The following COL25A1 variants were observed in gnomAD, a reference collection of about 807,000 sequenced individuals.
COL25A1 encodes the protein collagen alpha-1(XXV) chain.
In COL25A1, 103 loss-of-function variants were observed where a neutral mutation model predicts 128.4. That is an observed-to-expected ratio of 0.80 (90% confidence interval 0.68 to 0.94). The LOEUF (loss-of-function observed/expected upper bound fraction) is 0.94, where lower values mean the gene tolerates loss of function less well. COL25A1 is among the 40% of genes least tolerant of loss of function. The pLI is 0.00. For synonymous variants in COL25A1, 279 were observed against 277.2 expected, an observed-to-expected ratio of 1.01 and a Z score of -0.06; for missense variants, 745 against 840.0, an observed-to-expected ratio of 0.89 and a Z score of 1.40.
intron 27 of COL25A1, among the ~76,000 whole-genome samples, chr4:108,848,418 G>A (rs1318895768): frequency 6.6e-6 from 1 of 152,098 alleles, no homozygotes; most frequent in Admixed American, 6.6e-5. Flanking sequence ...GGAAACTATG[G>A]TCACTGATTT....
chr4:109,050,968 T>A (rs924355372), intron 3 of COL25A1, among the ~76,000 whole-genome samples: 10 of 152,146 alleles, frequency 6.6e-5, no homozygotes, highest in Non-Finnish European at 1.0e-4. Context: ...ATTCATGGCT[T>A]TCAAGCCATT....
intron 8 of COL25A1, among the ~76,000 whole-genome samples, chr4:108,968,408 GC>G (rs1751556674): frequency 6.6e-6 from 1 of 151,636 alleles, no homozygotes; most frequent in South Asian, 2.1e-4. Context: ...CTCCAAAACA[GC>G]AAATCCAAAG....
At chr4:108,912,859 T>C (rs1395360487) in intron 13 of COL25A1, among the ~76,000 whole-genome samples, 3 of 152,170 alleles carry the variant, frequency 2.0e-5, no homozygotes, top group Non-Finnish European at 4.4e-5. Context: ...AGAACTGTGT[T>C]ATCCATGTAT....
At chr4:108,888,540 A>C (rs1224799904) in intron 18 of COL25A1, among the ~76,000 whole-genome samples, 3 of 152,192 alleles carry the variant, frequency 2.0e-5, no homozygotes, top group Non-Finnish European at 4.4e-5. Context: ...CCTGTTTCAG[A>C]CTCAAATGAG....
At chr4:109,285,615 C>T (rs1723804386) in intron 3 of COL25A1, among the ~76,000 whole-genome samples, 1 of 152,202 alleles carries the variant, frequency 6.6e-6, no homozygotes, top group South Asian at 2.1e-4. Flanking sequence ...AAGCTGAATG[C>T]TGACTCGAGA....
At chr4:108,986,130 C>G (rs1196666226) in intron 6 of COL25A1, among the ~76,000 whole-genome samples, 1 of 152,144 alleles carries the variant, frequency 6.6e-6, no homozygotes, top group Non-Finnish European at 1.5e-5. Flanking sequence ...TTTGTTGCAC[C>G]CTTATTCCTG....
chr4:109,228,548 C>T (rs189329862), intron 3 of COL25A1, among the ~76,000 whole-genome samples: 43 of 152,142 alleles, frequency 2.8e-4, no homozygotes, highest in East Asian at 1.5e-3. Flanking sequence ...TTAGATGTTA[C>T]GGATTTTAAA....
chr4:109,039,603 G>A (rs1759679650), intron 5 of COL25A1, among the ~76,000 whole-genome samples: 1 of 152,142 alleles, frequency 6.6e-6, no homozygotes, highest in African/African-American at 2.4e-5. Flanking sequence ...GGTATATCCT[G>A]AGCATACTTC....
Position 108,899,179 on chromosome 4 carries a change from C to A in COL25A1, c.836G>T (p.Gly279Val). Residue 279 changes from glycine to valine, a missense_variant and splice_region_variant, in exon 15 of 38, where the codon GGA becomes GTA. Gly to Val is a moderately radical substitution (Grantham distance 109, BLOSUM62 -3). Around this residue, in one of 3 missense-constraint regions of COL25A1, gnomAD observed 39 missense variants for 73.3 expected, o/e 0.53. Transcript: ENST00000399132. ...VGQNGIPGPKGEPGEQGEKGD... is the reference protein window; with the variant it reads ...VGQNGIPGPKVEPGEQGEKGD... ...CTTTTCACCTTGTTCTCCAGGTTCT[C>A]CCTGAGCAAAAAGACAGAGATTGGG... The A allele has an allele frequency of 6.2e-7, 1 of 1,608,744 alleles. No individual in the cohort carries two copies. Among genetic ancestry groups the A allele is most frequent in the Non-Finnish European group, 8.5e-7 (1 of 1,177,514 alleles).
At chr4:109,215,522 A>G (rs752109688) in intron 3 of COL25A1, among the ~76,000 whole-genome samples, 4 of 152,210 alleles carry the variant, frequency 2.6e-5, no homozygotes, top group Non-Finnish European at 4.4e-5. Flanking sequence ...TTTAGTCAGT[A>G]AGATATAAGT....
chr4:108,834,413 G>C (rs1294673420), intron 31 of COL25A1: 1 of 1,550,138 alleles, frequency 6.5e-7, no homozygotes. Context: ...GTTGGTAGCA[G>C]GGTTGGTGGG....
intron 5 of COL25A1, among the ~76,000 whole-genome samples, chr4:109,040,181 T>G (rs962979562): frequency 2.6e-5 from 4 of 152,194 alleles, no homozygotes; most frequent in African/African-American, 9.6e-5. Context: ...AAACAAAAAC[T>G]TATTTAATGA....
At chr4:109,248,604 C>T (rs1455949156) in intron 3 of COL25A1, among the ~76,000 whole-genome samples, 4 of 152,158 alleles carry the variant, frequency 2.6e-5, no homozygotes, top group African/African-American at 9.7e-5. Context: ...CCATCTATCT[C>T]CACCCATGCC....
chr4:109,218,356 G>GGTTTTTTTTTTTTTT lies in COL25A1; in HGVS notation c.367+82212_367+82226dup, dbSNP rs1578470802. Among the ~76,000 whole-genome samples the GGTTTTTTTTTTTTTT allele has an allele frequency of 2.7e-3, 267 of 100,400 alleles. 1 individual carries two copies. Among genetic ancestry groups the GGTTTTTTTTTTTTTT allele is most frequent in the East Asian group, 0.014 (42 of 2,912 alleles). 65.9% of individuals were successfully genotyped at this position (100,400 alleles called of 152,430 possible). ...GCAGAATCAATTGCTGGTTTTTTGG[G>GGTTTTTTTTTTTTTT]GTTTTTTTTTTTTTTTTTTTTTTTT... On this transcript the variant is annotated intron_variant, in intron 3 of 37. Transcript: ENST00000399132.
intron 12 of COL25A1, among the ~76,000 whole-genome samples, chr4:108,919,855 C>T (rs1391573360): frequency 6.6e-6 from 1 of 152,088 alleles, no homozygotes; most frequent in African/African-American, 2.4e-5. Flanking sequence ...CTCTGCCTCC[C>T]AGGTTCAAGC....
At chr4:108,913,557 C>T (rs1744516123) in intron 13 of COL25A1, among the ~76,000 whole-genome samples, 1 of 152,138 alleles carries the variant, frequency 6.6e-6, no homozygotes, top group Non-Finnish European at 1.5e-5. Flanking sequence ...CGCACCCGAC[C>T]TCCAGCTCCT....
chr4:108,875,370 A>G (rs1242436596), intron 19 of COL25A1, among the ~76,000 whole-genome samples: 5 of 152,218 alleles, frequency 3.3e-5, no homozygotes, highest in Non-Finnish European at 7.3e-5. Context: ...TACAAGAAAA[A>G]AACAAATAAC....
intron 8 of COL25A1, among the ~76,000 whole-genome samples, chr4:108,973,242 G>C (rs80230914): frequency 2.0e-3 from 303 of 152,310 alleles, no homozygotes; most frequent in African/African-American, 7.0e-3. Context: ...GGATAACGTG[G>C]TGTTTAATCT....
rs1201059605 is a variant in COL25A1 at position 108,899,340 on chromosome 4, G to T, written c.835-160C>A. On this transcript the variant is annotated intron_variant, in intron 14 of 37. Transcript: ENST00000399132. ...GCTATATGAAAACAAATGATAAAAT[G>T]AGTTTCCTGGAGAATTTGAGTATGA... 2.0e-5 allele frequency among the ~76,000 whole-genome samples: 3 copies of T among 152,146 alleles called. No individual in the cohort carries two copies. The South Asian group carries it at 6.2e-4, about 32-fold the overall frequency.
Sources: allele counts gnomAD v4.1 joint callset (sites outside exome capture counted in the v4.1 genomes callset), GRCh38; gene constraint gnomAD v4.1.1; regional missense constraint gnomAD v4.1.1; transcripts MANE v1.5; gene names NCBI Gene and HGNC (gene_info 2026-07-23, HGNC 2026-07-21).